PCNX2: variants seen among roughly 807,000 people sequenced by gnomAD.
The protein encoded by PCNX2 is pecanex 2, also known as pecanex-like protein 2.
In PCNX2, 168 loss-of-function variants were observed where a neutral mutation model predicts 223.8. The observed-to-expected ratio is 0.75, with a 90% CI of 0.66 to 0.85. The LOEUF (loss-of-function observed/expected upper bound fraction) is 0.85, where lower values mean the gene tolerates loss of function less well. Ranked by LOEUF, PCNX2 falls within the 40% of genes least tolerant of loss-of-function variation. The probability of loss-of-function intolerance (pLI) is 0.00; values close to 1 mark genes in which losing one functional copy is unlikely to be tolerated. For synonymous variants in PCNX2, 1,006 were observed against 1,052.6 expected, an observed-to-expected ratio of 0.96 and a Z score of 0.86; for missense variants, 2,507 against 2,675.5, an observed-to-expected ratio of 0.94 and a Z score of 1.39.
chr1:233,128,700 G>T (rs1467786437), intron 21 of PCNX2, among the ~76,000 whole-genome samples: 3 of 152,168 alleles, frequency 2.0e-5, no homozygotes, highest in Admixed American at 6.5e-5. Context: ...TGTCATCTTT[G>T]CTCCTGTAAC....
chr1:233,151,193 G>A lies in PCNX2; in HGVS notation c.3517+9090C>T, dbSNP rs531964324. On this transcript the variant is annotated intron_variant, in intron 19 of 33. Coordinates refer to ENST00000258229, the MANE Select transcript of PCNX2 (RefSeq NM_014801.4). Reference sequence around the variant, plus strand: ...AATTTGTATGTTATTTAAATTACAAGGTTACTTAAAAACACCATTTCTATT... The same window carrying A: ...AATTTGTATGTTATTTAAATTACAAAGTTACTTAAAAACACCATTTCTATT... Among the ~76,000 whole-genome samples the A allele has an allele frequency of 3.3e-5, 5 of 152,264 alleles. No homozygotes were observed. In the East Asian group the frequency reaches 9.7e-4, roughly 29 times the overall value.
intron 17 of PCNX2, among the ~76,000 whole-genome samples, chr1:233,170,197 A>G (rs189972112): frequency 1.5e-3 from 228 of 152,324 alleles, no homozygotes; most frequent in Non-Finnish European, 2.5e-3. Context: ...GCTGCAGTCT[A>G]TTCATGTCTT....
chr1:233,255,303 A>C (rs58644033), intron 5 of PCNX2, among the ~76,000 whole-genome samples: 4,284 of 152,208 alleles, frequency 0.028, 109 homozygotes, highest in African/African-American at 0.072. Context: ...ACATAGGATG[A>C]CTCACTCCTA....
At chr1:233,316,443 A>G in the PCNX2 span, among the ~76,000 whole-genome samples, 1,612 of 152,260 alleles carry the variant, frequency 0.011, 27 homozygotes, top group African/African-American at 0.036. Flanking sequence ...ACTAAACTGA[A>G]GCTCAAGACC....
At position 233,057,295 on chromosome 1, in the gene PCNX2, A is replaced by G. The variant is rs1449464369; in HGVS notation, c.4077-5T>C. On this transcript the variant is annotated splice_region_variant and splice_polypyrimidine_tract_variant and intron_variant, in intron 23 of 33. Coordinates refer to ENST00000258229, the MANE Select transcript of PCNX2 (RefSeq NM_014801.4). ...GAATTATCCACTCGCCTTGTACTAGAAGAGGCCACAAAAGGGTAAAAGGTC... is the reference window on the plus strand; with the variant it reads ...GAATTATCCACTCGCCTTGTACTAGGAGAGGCCACAAAAGGGTAAAAGGTC... 3 of 1,606,116 alleles carry G rather than the reference A, an allele frequency of 1.9e-6. No individual in the cohort carries two copies. The highest frequency in any genetic ancestry group is 3.4e-5 in the Admixed American group (2 of 59,536).
At chr1:232,999,410 G>T (rs1297830225) in intron 30 of PCNX2, 31 bp from the exon 31 acceptor site, 4 of 1,557,788 alleles carry the variant, frequency 2.6e-6, no homozygotes, top group Non-Finnish European at 3.5e-6. Context: ...GGGAAGAAAG[G>T]CAGAAGGCCT....
At chr1:233,315,760 A>G in the PCNX2 span, among the ~76,000 whole-genome samples, 1 of 152,278 alleles carries the variant, frequency 6.6e-6, no homozygotes, top group South Asian at 2.1e-4. Context: ...GCAAGTATAA[A>G]CCAATTTCTC....
At chr1:233,302,563 T>C in the PCNX2 span, among the ~76,000 whole-genome samples, 2 of 151,852 alleles carry the variant, frequency 1.3e-5, no homozygotes, top group Non-Finnish European at 2.9e-5. Context: ...TCTCTTGTAC[T>C]GTGTCTCAGC....
intron 19 of PCNX2, among the ~76,000 whole-genome samples, chr1:233,148,746 A>G (rs1377763609): frequency 2.0e-5 from 3 of 152,122 alleles, no homozygotes; most frequent in Admixed American, 6.6e-5. Context: ...CCTCCTACCA[A>G]TCTCAGCAAT....
intron 32 of PCNX2, among the ~76,000 whole-genome samples, chr1:232,997,958 T>C (rs1669933909): frequency 6.6e-6 from 1 of 151,966 alleles, no homozygotes; most frequent in Non-Finnish European, 1.5e-5. Context: ...CAAACGGTCA[T>C]AGAGTGAGAG....
chr1:233,049,452 AC>A (rs1486950538), intron 25 of PCNX2, among the ~76,000 whole-genome samples: 1 of 152,196 alleles, frequency 6.6e-6, no homozygotes, highest in African/African-American at 2.4e-5. Context: ...CATGGTAAAG[AC>A]CCTCAAGAAA....
chr1:233,212,229 C>T (rs1279828123), intron 12 of PCNX2, among the ~76,000 whole-genome samples: 1 of 152,034 alleles, frequency 6.6e-6, no homozygotes, highest in Admixed American at 6.6e-5. Flanking sequence ...CACTGTGACC[C>T]TACACAGCAA....
intron 21 of PCNX2, among the ~76,000 whole-genome samples, chr1:233,104,895 A>C (rs1406672316): frequency 1.3e-5 from 2 of 152,188 alleles, no homozygotes; most frequent in Non-Finnish European, 2.9e-5. Context: ...GCATGTAATA[A>C]AAACAATGGA....
At position 233,139,115 on chromosome 1, in the gene PCNX2, G is replaced by C. The variant is rs904778147; in HGVS notation, c.3659+599C>G. 2.6e-5 allele frequency among the ~76,000 whole-genome samples: 4 copies of C among 152,154 alleles called. No homozygotes were observed. The highest frequency in any genetic ancestry group is 9.7e-5 in the African/African-American group (4 of 41,440). Reference sequence around the variant, plus strand: ...CTTTCATCAGAATGACAAATCTACAGATTATCAAGGAGATTTCCATGTTGT... The same window carrying C: ...CTTTCATCAGAATGACAAATCTACACATTATCAAGGAGATTTCCATGTTGT... On this transcript the variant is annotated intron_variant, in intron 20 of 33. Coordinates refer to ENST00000258229, the MANE Select transcript of PCNX2 (RefSeq NM_014801.4). The surrounding 1 kb of genome is among the most constrained non-coding windows in gnomAD (Gnocchi z 4.4).
chr1:233,010,681 C>A (rs1252639975), intron 28 of PCNX2, among the ~76,000 whole-genome samples: 1 of 152,172 alleles, frequency 6.6e-6, no homozygotes, highest in Non-Finnish European at 1.5e-5. Flanking sequence ...ATGTCCCAAA[C>A]CTTAAATCTA....
chr1:233,085,349 T>G (rs1267965808), intron 23 of PCNX2, among the ~76,000 whole-genome samples: 1 of 144,722 alleles, frequency 6.9e-6, no homozygotes, highest in African/African-American at 2.5e-5. Flanking sequence ...AAAAAAAAAG[T>G]ACAGAACACC....
chr1:233,269,509 G>C (rs913870035), intron 1 of PCNX2, among the ~76,000 whole-genome samples: 2 of 152,200 alleles, frequency 1.3e-5, no homozygotes, highest in Non-Finnish European at 2.9e-5. Flanking sequence ...CCTCAGTTAT[G>C]TCTGAGGCTA....
At chr1:233,260,615 G>A (rs1164789277) in intron 4 of PCNX2, among the ~76,000 whole-genome samples, 2 of 152,044 alleles carry the variant, frequency 1.3e-5, no homozygotes, top group Non-Finnish European at 2.9e-5. Flanking sequence ...TCATTTTAGG[G>A]GTTCAGGGCT....
intron 5 of PCNX2, among the ~76,000 whole-genome samples, chr1:233,254,718 C>CA (rs1371923992): frequency 6.9e-6 from 1 of 145,888 alleles, no homozygotes; most frequent in Non-Finnish European, 1.5e-5. Context: ...TTTTTTTTTA[C>CA]AAAAATGAAG....
Sources: gnomAD v4.1 joint callset for allele counts (sites outside exome capture counted in the v4.1 genomes callset) on GRCh38, gnomAD v4.1.1 for gene constraint, Gnocchi (gnomAD v3.1) non-coding constraint, MANE v1.5 for transcripts, NCBI Gene and HGNC (gene_info 2026-07-23, HGNC 2026-07-21) for gene names.